Variants in KCNH1 observed in about 807,000 individuals in gnomAD.
KCNH1 encodes potassium voltage-gated channel subfamily H member 1.
A neutral mutation model predicts 69.2 loss-of-function variants in KCNH1; 27 were observed. That is an observed-to-expected ratio of 0.39 (90% CI 0.29 to 0.54). KCNH1 has a LOEUF of 0.54. Ranked by LOEUF, KCNH1 falls within the 20% of genes least tolerant of loss-of-function variation. The pLI is 0.68. For missense variants in KCNH1, 798 were observed against 1,261.6 expected, an observed-to-expected ratio of 0.63 and a Z score of 5.57; for synonymous variants, 456 against 487.7, an observed-to-expected ratio of 0.93 and a Z score of 0.86.
At position 211,115,730 on chromosome 1, in the gene KCNH1, T is replaced by TAC. The variant is rs1553381313; in HGVS notation, c.80-8355_80-8354dup. Reference sequence around the variant, plus strand: ...ATATATATATATGTATATATATATATACACACACACACACACATACACATC... The same window carrying TAC: ...ATATATATATATGTATATATATATATACACACACACACACACACATACACATC... On this transcript the variant is annotated intron_variant, in intron 1 of 10. Transcript: ENST00000271751. Among the ~76,000 whole-genome samples, 156 of 86,954 alleles carry TAC rather than the reference T, an allele frequency of 1.8e-3. 1 individual carries two copies. Among genetic ancestry groups the TAC allele is most frequent in the East Asian group, 9.3e-3 (39 of 4,202 alleles). 57.0% of individuals were successfully genotyped at this position (86,954 alleles called of 152,430 possible).
At chr1:210,967,869 CT>C (rs71773981) in intron 6 of KCNH1, among the ~76,000 whole-genome samples, 1,626 of 146,890 alleles carry the variant, frequency 0.011, 9 homozygotes, top group Non-Finnish European at 0.018. Context: ...ATTTTTTTTT[CT>C]TTTTTTTTTA....
rs67344915 is a variant in KCNH1, at chr1:210,917,221, G to GAAAGAAAGAA, written c.1462+2418_1462+2419insTTCTTTCTTT. ...AAAGAAAGGGACAGAGAGAGAGAGA[G>GAAAGAAAGAA]AGAGAGAGAGAAAGAAAGAAAGAAA... On this transcript the variant is annotated intron_variant, in intron 7 of 10. Coordinates refer to ENST00000271751, the MANE Select transcript of KCNH1 (RefSeq NM_172362.3). Among the ~76,000 whole-genome samples, 1,052 of 109,830 alleles carry GAAAGAAAGAA rather than the reference G, an allele frequency of 9.6e-3. 14 individuals carry two copies. The highest frequency in any genetic ancestry group is 0.011 in the East Asian group (39 of 3,534). 72.1% of individuals were successfully genotyped at this position (109,830 alleles called of 152,430 possible).
At chr1:211,102,216 C>A (rs1403932714) in intron 3 of KCNH1, among the ~76,000 whole-genome samples, 1 of 152,200 alleles carries the variant, frequency 6.6e-6, no homozygotes, top group African/African-American at 2.4e-5. Flanking sequence ...TCACTGAAAC[C>A]AATGGCAAGT....
chr1:211,039,575 G>A (rs1689954151), intron 5 of KCNH1, among the ~76,000 whole-genome samples: 1 of 152,186 alleles, frequency 6.6e-6, no homozygotes, highest in Non-Finnish European at 1.5e-5. Context: ...AGTCACAGGG[G>A]CGGAGCTGCC....
intron 3 of KCNH1, among the ~76,000 whole-genome samples, chr1:211,097,145 G>A (rs564200129): frequency 1.3e-5 from 2 of 152,200 alleles, no homozygotes; most frequent in East Asian, 1.9e-4. Context: ...ATAAAGAAAA[G>A]GGCATTTCAA....
intron 5 of KCNH1, among the ~76,000 whole-genome samples, chr1:211,078,853 G>A (rs1260846894): frequency 7.0e-6 from 1 of 143,222 alleles, no homozygotes; most frequent in Admixed American, 7.4e-5. Flanking sequence ...GGGAGGCAGA[G>A]CTCACAGTGA....
At chr1:211,033,503 T>A (rs1689832686) in intron 5 of KCNH1, among the ~76,000 whole-genome samples, 2 of 152,136 alleles carry the variant, frequency 1.3e-5, no homozygotes, top group Admixed American at 1.3e-4. Context: ...AGCAAAGACT[T>A]GGAACCAACC....
chr1:210,990,966 C>T (rs1688924679), intron 6 of KCNH1, among the ~76,000 whole-genome samples: 1 of 152,076 alleles, frequency 6.6e-6, no homozygotes, highest in Non-Finnish European at 1.5e-5. Flanking sequence ...TATGGGAAAA[C>T]AGGCAGGAAG....
chr1:211,095,059 T>C lies in KCNH1; in HGVS notation c.311-4369A>G, dbSNP rs149232880. ...ACACTGACTTTCCTGCAGACAGAGC[T>C]TGGGGCAAGTAGCCTACAAGGGTCT... On this transcript the variant is annotated intron_variant, in intron 3 of 10. Transcript: ENST00000271751. Among the ~76,000 whole-genome samples, 204 of 152,310 alleles carry C rather than the reference T, an allele frequency of 1.3e-3. 1 individual carries two copies. Among genetic ancestry groups the C allele is most frequent in the Admixed American group, 0.011 (164 of 15,310 alleles).
chr1:211,004,954 A>G (rs1320909308), intron 6 of KCNH1, among the ~76,000 whole-genome samples: 1 of 152,174 alleles, frequency 6.6e-6, no homozygotes, highest in Non-Finnish European at 1.5e-5. Flanking sequence ...ATTCTAAAAT[A>G]AAAGTTGTTT....
chr1:210,736,926 T>G (rs1890846), intron 10 of KCNH1, among the ~76,000 whole-genome samples: 66,574 of 151,796 alleles, frequency 0.44, 15,064 homozygotes, highest in East Asian at 0.69. Context: ...TACCAAAGAG[T>G]GTTGACTACC....
chr1:210,790,883 A>C (rs887096148), intron 9 of KCNH1, among the ~76,000 whole-genome samples: 2 of 152,096 alleles, frequency 1.3e-5, no homozygotes, highest in African/African-American at 4.8e-5. Flanking sequence ...CTTTAAACTC[A>C]TCCATAGACT....
chr1:210,966,493 AG>A (rs1352956899), intron 6 of KCNH1, among the ~76,000 whole-genome samples: 2 of 152,216 alleles, frequency 1.3e-5, no homozygotes, highest in African/African-American at 4.8e-5. Flanking sequence ...CATCTGACAA[AG>A]GGCTAATATG....
chr1:210,929,358 C>A (rs1028748108), intron 6 of KCNH1, among the ~76,000 whole-genome samples: 7 of 152,110 alleles, frequency 4.6e-5, no homozygotes, highest in African/African-American at 1.7e-4. Flanking sequence ...ACCAGGGATG[C>A]AGGGATGGTT....
intron 10 of KCNH1, among the ~76,000 whole-genome samples, chr1:210,739,646 A>G (rs2149036159): frequency 6.6e-6 from 1 of 152,372 alleles, no homozygotes; most frequent in African/African-American, 2.4e-5. Context: ...GATAAGTCTT[A>G]GTAGTCTGGC....
chr1:210,918,362 T>C (rs796910351), intron 7 of KCNH1, among the ~76,000 whole-genome samples: 14 of 152,304 alleles, frequency 9.2e-5, no homozygotes, highest in African/African-American at 3.1e-4. Context: ...CTGTCTAAAC[T>C]GAAATTTCAC....
chr1:210,869,048 T>C (rs1052475082), intron 7 of KCNH1, among the ~76,000 whole-genome samples: 3 of 152,144 alleles, frequency 2.0e-5, no homozygotes, highest in African/African-American at 7.2e-5. Context: ...GAATTCTAGG[T>C]TGACAGTTTG....
chr1:210,937,977 C>A (rs191500061), intron 6 of KCNH1, among the ~76,000 whole-genome samples: 1 of 152,316 alleles, frequency 6.6e-6, no homozygotes. Flanking sequence ...TAATGACCTG[C>A]AAATCTACCT....
At chr1:210,917,776 G>T (rs1687378278) in intron 7 of KCNH1, among the ~76,000 whole-genome samples, 1 of 152,164 alleles carries the variant, frequency 6.6e-6, no homozygotes, top group South Asian at 2.1e-4. Flanking sequence ...GTGCCCCAAG[G>T]CTCACAAAAA....
Sources: allele counts gnomAD v4.1 joint callset (sites outside exome capture counted in the v4.1 genomes callset), GRCh38; gene constraint gnomAD v4.1.1; transcripts MANE v1.5; gene names NCBI Gene and HGNC (gene_info 2026-07-23, HGNC 2026-07-21).